SGCD: variants seen among roughly 807,000 people sequenced by gnomAD.
SGCD encodes the protein sarcoglycan delta.
In SGCD, 18 loss-of-function variants were observed where a neutral mutation model predicts 36.6. The ratio of observed to expected loss-of-function variants is 0.49; its 90% confidence interval spans 0.34 to 0.73. The LOEUF is 0.73. Among genes scored for constraint, SGCD ranks in the 30% least tolerant of loss-of-function variants. The probability of loss-of-function intolerance (pLI) is 0.01; values close to 1 mark genes in which losing one functional copy is unlikely to be tolerated. For missense variants in SGCD, 387 were observed against 346.7 expected (o/e 1.12, Z -0.92); for synonymous variants, 133 against 130.6 (o/e 1.02, Z -0.12).
intron 1 of SGCD, among the ~76,000 whole-genome samples, chr5:156,004,180 AT>A (rs1474331880): frequency 6.6e-6 from 1 of 152,218 alleles, no homozygotes; most frequent in Non-Finnish European, 1.5e-5. Flanking sequence ...GCTATTTGAT[AT>A]TCATAGCTAA....
At chr5:156,475,797 G>C (rs920354620) in intron 3 of SGCD, among the ~76,000 whole-genome samples, 15 of 152,196 alleles carry the variant, frequency 9.9e-5, no homozygotes, top group Non-Finnish European at 1.5e-5. Flanking sequence ...TAGAATACTA[G>C]AGGATCAGGA....
At chr5:156,145,753 C>A (rs567020782) in intron 3 of SGCD, among the ~76,000 whole-genome samples, 2 of 151,976 alleles carry the variant, frequency 1.3e-5, no homozygotes, top group African/African-American at 4.8e-5. Flanking sequence ...TTCACATGAA[C>A]AAATTGAAGT....
chr5:156,635,276 A>G (rs1250063552), intron 6 of SGCD, among the ~76,000 whole-genome samples: 1 of 152,182 alleles, frequency 6.6e-6, no homozygotes, highest in Non-Finnish European at 1.5e-5. Flanking sequence ...CAAAAGACAC[A>G]TGAAAAAATG....
chr5:156,520,638 A>C (rs1757359218), intron 4 of SGCD, among the ~76,000 whole-genome samples: 1 of 152,194 alleles, frequency 6.6e-6, no homozygotes, highest in Admixed American at 6.5e-5. Flanking sequence ...TTCAAACTAT[A>C]CTACAAGGCT....
chr5:156,451,139 A>C (rs1753991507), intron 3 of SGCD, among the ~76,000 whole-genome samples: 1 of 141,758 alleles, frequency 7.1e-6, no homozygotes, highest in South Asian at 2.1e-4. Context: ...AGCCTTTTTC[A>C]ACTAAAAATT....
intron 3 of SGCD, among the ~76,000 whole-genome samples, chr5:156,249,935 A>G (rs1418145417): frequency 6.6e-6 from 1 of 152,244 alleles, no homozygotes; most frequent in African/African-American, 2.4e-5. Flanking sequence ...CTGACTGTCT[A>G]ATCAGTAAGA....
At chr5:156,294,627 T>A (rs919873646) in intron 3 of SGCD, among the ~76,000 whole-genome samples, 2 of 152,144 alleles carry the variant, frequency 1.3e-5, no homozygotes, top group African/African-American at 2.4e-5. Flanking sequence ...GTTTTTCATA[T>A]GTCTTTTATG....
At position 156,115,992 on chromosome 5, in the gene SGCD, G is replaced by A. The variant is rs146974942; in HGVS notation, c.-281-1886G>A. ...ATGTCTTCTTACTCTTGAAATGTTA[G>A]CAGTCATTGATAATTATTGCCTAGA... On this transcript the variant is annotated intron_variant, in intron 1 of 9. Transcript: ENST00000517913. 7.2e-5 allele frequency among the ~76,000 whole-genome samples: 11 copies of A among 152,146 alleles called. 1 individual carries two copies. In the East Asian group the frequency reaches 2.1e-3, roughly 29 times the overall value.
At chr5:156,197,832 T>C (rs1764056789) in intron 3 of SGCD, among the ~76,000 whole-genome samples, 1 of 152,172 alleles carries the variant, frequency 6.6e-6, no homozygotes, top group Admixed American at 6.6e-5. Flanking sequence ...AATAATGGTA[T>C]ATATTTATGG....
At chr5:156,307,562 T>G (rs933759645) in intron 3 of SGCD, among the ~76,000 whole-genome samples, 10 of 146,148 alleles carry the variant, frequency 6.8e-5, no homozygotes, top group African/African-American at 2.0e-4. Flanking sequence ...GTTGTTTTTT[T>G]TTTTTTTTTT....
At chr5:155,738,080 C>A in the SGCD span, among the ~76,000 whole-genome samples, 1 of 152,126 alleles carries the variant, frequency 6.6e-6, no homozygotes, top group Admixed American at 6.5e-5. Flanking sequence ...ACCACTTCTC[C>A]TTCCTCAACC....
chr5:155,819,955 A>G, the SGCD span, among the ~76,000 whole-genome samples: 9 of 152,348 alleles, frequency 5.9e-5, no homozygotes, highest in Admixed American at 1.3e-4. Flanking sequence ...TTTAAAATGT[A>G]GAATTATAGT....
chr5:156,283,865 C>G (rs774161086), intron 3 of SGCD, among the ~76,000 whole-genome samples: 3 of 152,130 alleles, frequency 2.0e-5, no homozygotes, highest in Non-Finnish European at 4.4e-5. Context: ...ATCTGTTTGA[C>G]GCTGAGGAGA....
In SGCD at chr5:156,747,974, C is replaced by T. The variant is rs563591927; in HGVS notation, c.576-9607C>T. 4.6e-5 allele frequency among the ~76,000 whole-genome samples: 7 copies of T among 152,312 alleles called. No individual in the cohort carries two copies. The East Asian group carries it at 1.3e-3, about 29-fold the overall frequency. ...GTACTTTCTACAAAATAGCCACAAA[C>T]TGTTAACAACCAGATGTCAATTAAC... is the stretch of plus-strand genomic sequence containing the variant. On this transcript the variant is annotated intron_variant, in intron 7 of 8. Coordinates refer to ENST00000337851, the MANE Select transcript of SGCD (RefSeq NM_000337.6).
intron 3 of SGCD, among the ~76,000 whole-genome samples, chr5:156,399,348 A>G (rs1042488441): frequency 4.6e-5 from 7 of 152,208 alleles, no homozygotes; most frequent in Admixed American, 4.6e-4. Context: ...TATAGCAGCA[A>G]TATTCTCTAT....
At chr5:156,611,704 A>G (rs1467398157) in intron 6 of SGCD, among the ~76,000 whole-genome samples, 2 of 152,146 alleles carry the variant, frequency 1.3e-5, no homozygotes, top group African/African-American at 2.4e-5. Flanking sequence ...CCCATCTGGC[A>G]TTTGTATAAT....
intron 7 of SGCD, among the ~76,000 whole-genome samples, chr5:156,736,486 C>CCATAAAAAACACTTACCTTT (rs146991802): frequency 0.03 from 4,570 of 152,200 alleles, 214 homozygotes; most frequent in African/African-American, 0.11. Context: ...GAAGAGATTT[C>CCATAAAAAACACTTACCTTT]CATAAAAAAC....
chr5:155,799,674 C>T, the SGCD span, among the ~76,000 whole-genome samples: 6 of 151,468 alleles, frequency 4.0e-5, no homozygotes, highest in African/African-American at 1.5e-4. Context: ...GGATTATGGG[C>T]GTGAGCCACT....
At chr5:155,771,644 C>T in the SGCD span, among the ~76,000 whole-genome samples, 1 of 151,942 alleles carries the variant, frequency 6.6e-6, no homozygotes, top group Non-Finnish European at 1.5e-5. Context: ...AGGCTGTTCT[C>T]GAACTCCTGA....
Sources: gnomAD v4.1 joint callset for allele counts (sites outside exome capture counted in the v4.1 genomes callset) on GRCh38, gnomAD v4.1.1 for gene constraint, MANE v1.5 for transcripts, NCBI Gene and HGNC (gene_info 2026-07-23, HGNC 2026-07-21) for gene names.